RBFOX1: variants seen among roughly 807,000 people sequenced by gnomAD.
RBFOX1 encodes RNA binding fox-1 homolog 1, also known as RNA binding protein fox-1 homolog 1.
In RBFOX1, 8 loss-of-function variants were observed where a neutral mutation model predicts 57.7. The observed-to-expected ratio is 0.14, with a 90% CI of 0.08 to 0.25. The LOEUF (loss-of-function observed/expected upper bound fraction) is 0.25. Among genes scored for constraint, RBFOX1 ranks in the 10% least tolerant of loss-of-function variants. The pLI, the probability that RBFOX1 is intolerant of heterozygous loss-of-function variation, is 1.00. For synonymous variants in RBFOX1, 326 were observed against 222.4 expected, an observed-to-expected ratio of 1.47 and a Z score of -4.15; for missense variants, 611 against 548.5, an observed-to-expected ratio of 1.11 and a Z score of -1.14.
intron 4 of RBFOX1, among the ~76,000 whole-genome samples, chr16:7,136,920 G>A (rs899793782): frequency 1.3e-5 from 2 of 152,148 alleles, no homozygotes; most frequent in Non-Finnish European, 2.9e-5. Flanking sequence ...AGAAGTTTGC[G>A]CTGGGGCCCT....
At chr16:7,244,781 G>A (rs1378284395) in intron 4 of RBFOX1, among the ~76,000 whole-genome samples, 2 of 152,206 alleles carry the variant, frequency 1.3e-5, no homozygotes, top group Non-Finnish European at 2.9e-5. Flanking sequence ...ACTCGAAGGA[G>A]GCAGGCTGGG....
At chr16:6,666,433 G>A (rs1479872516) in intron 3 of RBFOX1, among the ~76,000 whole-genome samples, 1 of 151,760 alleles carries the variant, frequency 6.6e-6, no homozygotes, top group Non-Finnish European at 1.5e-5. Context: ...CATGCTATTC[G>A]GGAAGCTGAG....
At chr16:7,168,340 C>T (rs1364099233) in intron 4 of RBFOX1, among the ~76,000 whole-genome samples, 1 of 152,038 alleles carries the variant, frequency 6.6e-6, no homozygotes, top group Non-Finnish European at 1.5e-5. Flanking sequence ...GAAGTGAAAC[C>T]TTGTCTGATA....
downstream of RBFOX1, among the ~76,000 whole-genome samples, chr16:5,600,822 C>G (rs1047305795): frequency 6.6e-5 from 10 of 152,322 alleles, 1 homozygote; most frequent in South Asian, 1.9e-3. Context: ...ACCCAACTTT[C>G]TTATCCCACT....
intron 3 of RBFOX1, among the ~76,000 whole-genome samples, chr16:6,987,505 A>ACACG (rs59384963): frequency 6.7e-6 from 1 of 149,344 alleles, no homozygotes; most frequent in South Asian, 2.2e-4. Flanking sequence ...ACACACACAC[A>ACACG]GAGGCATGCC....
intron 3 of RBFOX1, among the ~76,000 whole-genome samples, chr16:5,805,509 G>T (rs2055197002): frequency 6.6e-6 from 1 of 152,174 alleles, no homozygotes; most frequent in African/African-American, 2.4e-5. Flanking sequence ...TATGTGGGTT[G>T]GTGGCCCTGC....
chr16:7,560,632 A>G (rs528750161), intron 5 of RBFOX1, among the ~76,000 whole-genome samples: 1 of 152,150 alleles, frequency 6.6e-6, no homozygotes, highest in East Asian at 1.9e-4. Context: ...AGAGGGGGCG[A>G]GTGTCATCCT....
chr16:5,311,018 T>A (rs912667629), intron 1 of RBFOX1, among the ~76,000 whole-genome samples: 2 of 152,164 alleles, frequency 1.3e-5, no homozygotes, highest in East Asian at 1.9e-4. Context: ...GAGTCTTCAT[T>A]GTCTGTGATA....
chr16:7,466,027 GT>G (rs1415106549), intron 4 of RBFOX1, among the ~76,000 whole-genome samples: 2 of 152,120 alleles, frequency 1.3e-5, no homozygotes, highest in Non-Finnish European at 2.9e-5. Flanking sequence ...CATCATCTGT[GT>G]TTTCTGATCC....
intron 1 of RBFOX1, among the ~76,000 whole-genome samples, chr16:6,216,069 A>T (rs1214977455): frequency 6.6e-6 from 1 of 152,168 alleles, no homozygotes; most frequent in Non-Finnish European, 1.5e-5. Context: ...TGTAAGAGAG[A>T]GTTAAATGAT....
At chr16:6,335,561 C>T (rs1259158434) in intron 2 of RBFOX1, among the ~76,000 whole-genome samples, 2 of 151,772 alleles carry the variant, frequency 1.3e-5, no homozygotes, top group Non-Finnish European at 1.5e-5. Context: ...TGGTGGATCA[C>T]GAGGTCAAGA....
intron 2 of RBFOX1, among the ~76,000 whole-genome samples, chr16:6,582,435 C>G (rs905211140): frequency 4.8e-5 from 7 of 145,424 alleles, no homozygotes; most frequent in African/African-American, 1.8e-4. Flanking sequence ...TTAATTTTGT[C>G]TTTGTTCCTT....
rs570953941 is a variant in RBFOX1 at position 6,139,506 on chromosome 16, A to C, written c.-127+119514A>C. 8.9e-4 allele frequency among the ~76,000 whole-genome samples: 136 copies of C among 152,260 alleles called. No homozygotes were observed. The Middle Eastern group carries it at 0.014, about 15-fold the overall frequency. ...GAAGAGAGTCATGTGTTTGTATTTAAGATACTATTACCCTGCTCAATCCCA... is the reference window on the plus strand; with the variant it reads ...GAAGAGAGTCATGTGTTTGTATTTACGATACTATTACCCTGCTCAATCCCA... On this transcript the variant is annotated intron_variant, in intron 1 of 15. Coordinates refer to ENST00000550418, the MANE Select transcript of RBFOX1 (RefSeq NM_018723.4).
intron 2 of RBFOX1, among the ~76,000 whole-genome samples, chr16:6,410,042 C>A (rs1207109666): frequency 6.6e-6 from 1 of 152,066 alleles, no homozygotes; most frequent in Admixed American, 6.6e-5. Context: ...AGACTAGGAG[C>A]CCTGCTTCTG....
chr16:5,666,143 C>T (rs954131243), intron 3 of RBFOX1, among the ~76,000 whole-genome samples: 3 of 152,222 alleles, frequency 2.0e-5, no homozygotes, highest in Admixed American at 6.5e-5. Flanking sequence ...GGAGCCTTTA[C>T]AAGCCACATT....
intron 3 of RBFOX1, among the ~76,000 whole-genome samples, chr16:5,828,189 A>G (rs912916652): frequency 1.1e-4 from 16 of 152,052 alleles, no homozygotes; most frequent in East Asian, 1.9e-4. Context: ...CCTTCCATGT[A>G]TCTGTCCGCT....
At chr16:6,495,226 C>G (rs568543241) in intron 2 of RBFOX1, among the ~76,000 whole-genome samples, 23 of 152,266 alleles carry the variant, frequency 1.5e-4, no homozygotes, top group African/African-American at 5.5e-4. Context: ...TCAAGCGATT[C>G]TTTTGCCGCA....
intron 1 of RBFOX1, among the ~76,000 whole-genome samples, chr16:6,058,597 CCCATCCACCCAT>C (rs1390858665): frequency 9.2e-5 from 14 of 151,676 alleles, no homozygotes; most frequent in African/African-American, 1.4e-4. Flanking sequence ...TATCTACCCA[CCCATCCACCCAT>C]CCATCCACCC....
At chr16:6,803,261 G>A (rs2085922484) in intron 3 of RBFOX1, among the ~76,000 whole-genome samples, 1 of 152,112 alleles carries the variant, frequency 6.6e-6, no homozygotes, top group Non-Finnish European at 1.5e-5. Context: ...GCATGAAAGT[G>A]CAAACTTCAA....
Sources: allele counts gnomAD v4.1 joint callset (sites outside exome capture counted in the v4.1 genomes callset), GRCh38; gene constraint gnomAD v4.1.1; transcripts MANE v1.5; gene names NCBI Gene and HGNC (gene_info 2026-07-23, HGNC 2026-07-21).